CHST11: variants seen among roughly 807,000 people sequenced by gnomAD.
CHST11 encodes the protein carbohydrate sulfotransferase 11, also known as C4S-1.
Under a neutral mutation model 30.4 loss-of-function variants are expected in CHST11, and 9 were observed. That is an observed-to-expected ratio of 0.30 (90% CI 0.18 to 0.52). The LOEUF (loss-of-function observed/expected upper bound fraction) is 0.52. CHST11 is among the 20% of genes least tolerant of loss of function. CHST11 has a pLI of 0.97. For missense variants in CHST11, 348 were observed against 460.6 expected, an observed-to-expected ratio of 0.76 and a Z score of 2.24; for synonymous variants, 152 against 187.8, an observed-to-expected ratio of 0.81 and a Z score of 1.56.
At chr12:104,493,514 G>A (rs2037770096) in intron 1 of CHST11, among the ~76,000 whole-genome samples, 3 of 152,196 alleles carry the variant, frequency 2.0e-5, no homozygotes, top group Admixed American at 2.0e-4. Flanking sequence ...AGTGGCTTTG[G>A]ACATGTCCTG....
intron 1 of CHST11, among the ~76,000 whole-genome samples, chr12:104,475,984 A>G (rs887954563): frequency 6.9e-6 from 1 of 144,274 alleles, no homozygotes; most frequent in Non-Finnish European, 1.5e-5. Flanking sequence ...GTTATCCCTC[A>G]TATATTATTA....
chr12:104,639,327 G>A (rs956692214), intron 2 of CHST11, among the ~76,000 whole-genome samples: 5 of 152,180 alleles, frequency 3.3e-5, no homozygotes, highest in Non-Finnish European at 1.5e-5. Context: ...TATATAAATA[G>A]CATCAATCCT....
At chr12:104,483,881 G>A (rs1282846515) in intron 1 of CHST11, among the ~76,000 whole-genome samples, 5 of 152,102 alleles carry the variant, frequency 3.3e-5, no homozygotes, top group Admixed American at 3.3e-4. Flanking sequence ...TGGTGGAGGA[G>A]GCTGGAGGCA....
chr12:104,577,234 ATTT>A (rs34967812), intron 1 of CHST11, among the ~76,000 whole-genome samples: 1,186 of 74,170 alleles, frequency 0.016, 7 homozygotes, highest in African/African-American at 0.033. Context: ...GCAGCCCTTC[ATTT>A]TTTTTTTTTT....
chr12:104,578,535 G>A (rs2038707174), intron 1 of CHST11, among the ~76,000 whole-genome samples: 2 of 152,108 alleles, frequency 1.3e-5, no homozygotes, highest in Admixed American at 6.5e-5. Flanking sequence ...GAGAGCGCTG[G>A]GTCCGTTGGC....
chr12:104,547,297 A>G (rs888791271), intron 1 of CHST11, among the ~76,000 whole-genome samples: 12 of 152,186 alleles, frequency 7.9e-5, no homozygotes, highest in Admixed American at 5.9e-4. Flanking sequence ...TTGGAGCCCA[A>G]GTCTTCAGGT....
At chr12:104,467,716 G>T (rs4964797) in intron 1 of CHST11, among the ~76,000 whole-genome samples, 59,179 of 152,016 alleles carry the variant, frequency 0.39, 12,806 homozygotes, top group African/African-American at 0.58. Flanking sequence ...TCAAGTGAAA[G>T]AAGCTGGTGG....
intron 1 of CHST11, among the ~76,000 whole-genome samples, chr12:104,482,509 C>T (rs569561774): frequency 4.4e-4 from 67 of 152,340 alleles, no homozygotes; most frequent in Admixed American, 2.6e-4. Flanking sequence ...CCTTTCCCCA[C>T]CCTCAGTGTC....
At chr12:104,669,079 A>G (rs1009708552) in intron 2 of CHST11, among the ~76,000 whole-genome samples, 11 of 152,152 alleles carry the variant, frequency 7.2e-5, no homozygotes, top group African/African-American at 2.7e-4. Flanking sequence ...GGAAGTCCCC[A>G]CTGCAGCGTG....
In CHST11 at chr12:104,471,173, T is replaced by C. The variant is rs2037505679; in HGVS notation, c.118+13644T>C. Among the ~76,000 whole-genome samples the C allele has an allele frequency of 1.3e-5, 2 of 152,204 alleles. 1 individual carries two copies. The highest frequency in any genetic ancestry group is 4.1e-4 in the South Asian group (2 of 4,830). ...CCTTCCTGTCATCCCTGTGGTACTT[T>C]GTGTGTGTACATCTCTAATATTACT... On this transcript the variant is annotated intron_variant, in intron 1 of 2. Transcript: ENST00000303694.
At chr12:104,616,880 C>T (rs2039113145) in intron 2 of CHST11, among the ~76,000 whole-genome samples, 3 of 152,150 alleles carry the variant, frequency 2.0e-5, no homozygotes, top group Non-Finnish European at 2.9e-5. Context: ...TCACAAAGGA[C>T]GAGTGGTCCC....
At chr12:104,743,344 G>A (rs1283863653) in intron 2 of CHST11, among the ~76,000 whole-genome samples, 4 of 152,108 alleles carry the variant, frequency 2.6e-5, no homozygotes, top group Non-Finnish European at 5.9e-5. Flanking sequence ...CTGCACCCAG[G>A]GACTCCCACA....
intron 1 of CHST11, among the ~76,000 whole-genome samples, chr12:104,579,422 T>G (rs1704880): frequency 1.3e-5 from 2 of 152,176 alleles, no homozygotes; most frequent in African/African-American, 4.8e-5. Context: ...CGATTGATCT[T>G]GTGACCTTGG....
At chr12:104,732,783 T>A (rs949113097) in intron 2 of CHST11, among the ~76,000 whole-genome samples, 1 of 152,246 alleles carries the variant, frequency 6.6e-6, no homozygotes, top group African/African-American at 2.4e-5. Context: ...CCAGATTCTT[T>A]TTGGCATCCT....
At chr12:104,604,397 G>A (rs2038983967) in intron 2 of CHST11, among the ~76,000 whole-genome samples, 3 of 152,146 alleles carry the variant, frequency 2.0e-5, no homozygotes, top group Admixed American at 1.3e-4. Flanking sequence ...AAATCACCTC[G>A]TTTCCTCGGG....
chr12:104,601,716 C>G (rs575975691), intron 1 of CHST11, among the ~76,000 whole-genome samples, 190 bp from the exon 2 acceptor site: 41 of 152,244 alleles, frequency 2.7e-4, no homozygotes, highest in African/African-American at 9.9e-4. Flanking sequence ...TGTGGAGATG[C>G]CTGAATGTTG....
At chr12:104,630,809 A>C (rs2039263066) in intron 2 of CHST11, among the ~76,000 whole-genome samples, 1 of 152,186 alleles carries the variant, frequency 6.6e-6, no homozygotes, top group Admixed American at 6.5e-5. Flanking sequence ...AAATCAATTG[A>C]TATCTCTCAG....
At chr12:104,569,746 C>T (rs192512271) in intron 1 of CHST11, among the ~76,000 whole-genome samples, 5 of 152,246 alleles carry the variant, frequency 3.3e-5, no homozygotes, top group Non-Finnish European at 7.4e-5. Flanking sequence ...GGGAATAAGT[C>T]CTGCTATTGA....
chr12:104,576,621 A>G (rs1189182383), intron 1 of CHST11, among the ~76,000 whole-genome samples: 1 of 152,188 alleles, frequency 6.6e-6, no homozygotes, highest in Non-Finnish European at 1.5e-5. Flanking sequence ...AGCACCTCCC[A>G]TGGCTGCAGT....
Sources: allele counts gnomAD v4.1 joint callset (sites outside exome capture counted in the v4.1 genomes callset), GRCh38; gene constraint gnomAD v4.1.1; transcripts MANE v1.5; gene names NCBI Gene and HGNC (gene_info 2026-07-23, HGNC 2026-07-21).